Variants in ZNF234 observed in about 807,000 individuals in gnomAD.
ZNF234 encodes the protein zinc finger protein 234.
In ZNF234, 4 loss-of-function variants were observed where a neutral mutation model predicts 10.3. The observed-to-expected ratio is 0.39, with a 90% CI of 0.19 to 0.89. The LOEUF (loss-of-function observed/expected upper bound fraction) is 0.89, where lower values mean the gene tolerates loss of function less well. Ranked by LOEUF, ZNF234 falls within the 40% of genes least tolerant of loss-of-function variation. The probability of loss-of-function intolerance (pLI) is 0.38; values close to 1 mark genes in which losing one functional copy is unlikely to be tolerated. For missense variants in ZNF234, 711 were observed against 836.1 expected, an observed-to-expected ratio of 0.85 and a Z score of 1.85; for synonymous variants, 258 against 280.1, an observed-to-expected ratio of 0.92 and a Z score of 0.79.
chr19:44,158,890 G>A lies in ZNF234; in HGVS notation c.*771G>A, dbSNP rs1968975703. Reference sequence around the variant, plus strand: ...ACAACCTTAACATTGACTAGTGCTTGTAGGTGTGCTCAATACTTGTTTGTT... The same window carrying A: ...ACAACCTTAACATTGACTAGTGCTTATAGGTGTGCTCAATACTTGTTTGTT... On this transcript the variant is annotated 3_prime_UTR_variant, in exon 6 of 6. Transcript: ENST00000426739. 1 of 152,382 alleles carries A rather than the reference G, an allele frequency of 6.6e-6. No homozygotes were observed. The highest frequency in any genetic ancestry group is 6.5e-5 in the Admixed American group (1 of 15,284). The allele number at this position is 152,382 out of a possible 1,614,324, so 9.4% of individuals were successfully genotyped here.
chr19:44,153,600 A>G (rs924979371), intron 5 of ZNF234, among the ~76,000 whole-genome samples: 4 of 152,178 alleles, frequency 2.6e-5, no homozygotes, highest in Non-Finnish European at 4.4e-5. Context: ...TGAGAGCTTC[A>G]GAAGGAACCA....
At chr19:44,146,929 C>T (rs1265698390) in intron 3 of ZNF234, among the ~76,000 whole-genome samples, 5 of 151,060 alleles carry the variant, frequency 3.3e-5, no homozygotes, top group South Asian at 2.1e-4. Context: ...GATTCTTCTG[C>T]CTCAGCCTCC....
chr19:44,152,733 T>G (rs941206792), intron 5 of ZNF234, among the ~76,000 whole-genome samples: 21 of 152,216 alleles, frequency 1.4e-4, no homozygotes, highest in African/African-American at 4.3e-4. Flanking sequence ...TGTCAGATAG[T>G]AACTAGGTTG....
intron 5 of ZNF234, 44 bp from the exon 6 acceptor site, chr19:44,156,208 C>T: frequency 6.6e-7 from 1 of 1,512,894 alleles, no homozygotes; most frequent in Non-Finnish European, 8.8e-7. Context: ...ATCTTGAAAA[C>T]TTTTAACAGA....
chr19:44,156,275 G>T lies in ZNF234; in HGVS notation c.259G>T (p.Glu87Ter). 2 of 1,570,078 alleles carry T rather than the reference G, an allele frequency of 1.3e-6. No individual in the cohort carries two copies. The highest frequency in any genetic ancestry group is 2.5e-5 in the South Asian group (2 of 81,564). ...KSADKIQSEV[E>*]TVPEAGRHEE... Reference sequence around the variant, plus strand: ...AGCAGACAAGATCCAAAGTGAGGTGGAGACTGTTCCAGAAGCAGGACGACA... The same window carrying T: ...AGCAGACAAGATCCAAAGTGAGGTGTAGACTGTTCCAGAAGCAGGACGACA... The change falls in exon 6 of 6, where the codon GAG becomes TAG. Residue 87 changes from glutamate (E) to a stop codon, truncating the protein, a stop_gained. Transcript: ENST00000426739. LOFTEE classifies it low-confidence loss of function (END_TRUNC).
chr19:44,146,383 T>G (rs560874738), intron 3 of ZNF234, among the ~76,000 whole-genome samples: 108 of 152,284 alleles, frequency 7.1e-4, no homozygotes, highest in African/African-American at 2.4e-3. Flanking sequence ...TCTAGATCCC[T>G]GAGGAATCGC....
At position 44,158,352 on chromosome 19, in the gene ZNF234, GGTTCAA is replaced by G. The variant is rs1335671795; in HGVS notation, c.*236_*241del. 6 of 493,292 alleles carry G rather than the reference GGTTCAA, an allele frequency of 1.2e-5. No homozygotes were observed. The highest frequency in any genetic ancestry group is 2.2e-5 in the Non-Finnish European group (6 of 272,138). The allele number at this position is 493,292 out of a possible 1,614,324, so 30.6% of individuals were successfully genotyped here. A position where few individuals can be genotyped will look rare whatever the true frequency, so the allele number is the denominator to read the frequency against. The stretch of plus-strand genomic sequence containing the variant: ...AGCTCACTGTAACCTCCACTTCCCG[GGTTCAA>G]GTGATTCTCCTGCCTCAGTGGATTA... On this transcript the variant is annotated 3_prime_UTR_variant, in exon 6 of 6. Coordinates refer to ENST00000426739, the MANE Select transcript of ZNF234 (RefSeq NM_006630.3).
At chr19:44,153,562 T>G (rs2122137770) in intron 5 of ZNF234, among the ~76,000 whole-genome samples, 1 of 152,260 alleles carries the variant, frequency 6.6e-6, no homozygotes, top group East Asian at 1.9e-4. Flanking sequence ...TTTGAAAAAC[T>G]GTTGTGAAAG....
rs1045375246 is a variant in ZNF234, at chr19:44,156,987, G to A, written c.971G>A (p.Cys324Tyr). 7.4e-6 allele frequency: 12 copies of A among 1,614,000 alleles called. No individual in the cohort carries two copies. The highest frequency in any genetic ancestry group is 1.0e-5 in the Non-Finnish European group (12 of 1,179,932). Reference sequence around the variant, plus strand: ...TACAAATGTGAGGACTGTGGTAAGTGTTTCACTTGTAGCTCAAACCTTCGT... The same window carrying A: ...TACAAATGTGAGGACTGTGGTAAGTATTTCACTTGTAGCTCAAACCTTCGT... ...KPYKCEDCGK[C>Y]FTCSSNLRIH... Residue 324 changes from cysteine to tyrosine, a missense_variant, in exon 6 of 6, where the codon TGT becomes TAT. Coordinates refer to ENST00000426739, the MANE Select transcript of ZNF234 (RefSeq NM_006630.3).
rs948680743 is a variant in ZNF234, at chr19:44,159,109, A to T, written c.*990A>T. 1.3e-5 allele frequency: 2 copies of T among 152,162 alleles called. No individual in the cohort carries two copies. Among genetic ancestry groups the T allele is most frequent in the African/African-American group, 4.8e-5 (2 of 41,418 alleles). 9.4% of individuals were successfully genotyped at this position (152,162 alleles called of 1,614,324 possible). ...GTCCTCTCTGTAGTCTCTTCTCTCA[A>T]ATTTGGTTCTTATTGAGAGCCTGTC... is the stretch of plus-strand genomic sequence containing the variant. On this transcript the variant is annotated 3_prime_UTR_variant, in exon 6 of 6. Coordinates refer to ENST00000426739, the MANE Select transcript of ZNF234 (RefSeq NM_006630.3).
In ZNF234 at chr19:44,159,571, T is replaced by C. The variant is rs753183265; in HGVS notation, c.*1452T>C. The C allele has an allele frequency of 9.7e-5, 43 of 442,314 alleles. No individual in the cohort carries two copies. Among genetic ancestry groups the C allele is most frequent in the South Asian group, 6.7e-4 (42 of 62,688 alleles). The allele number at this position is 442,314 out of a possible 1,614,324, so 27.4% of individuals were successfully genotyped here. On this transcript the variant is annotated 3_prime_UTR_variant, in exon 6 of 6. Transcript: ENST00000426739. ...ACTGAATATCACACAATTGAGTTTT[T>C]AATCCATTAATGTTAAGGCAGGGGT...
In ZNF234 at chr19:44,158,072, AG is replaced by A. The variant is rs1968953199; in HGVS notation, c.2057del (p.Ser686IlefsTer17). 2 of 1,612,862 alleles carry A rather than the reference AG, an allele frequency of 1.2e-6. No individual in the cohort carries two copies. The highest frequency in any genetic ancestry group is 2.2e-5 in the South Asian group (2 of 90,900). ...TACATTTTATGAAAATGATGAGAAT[AG>A]TAAGAACATCAGAGAGTTGTCAGAG... ...AGTFYENDEN[S>X]KNIRELSEGG... On this transcript the variant is annotated frameshift_variant, in exon 6 of 6. Transcript: ENST00000426739. LOFTEE classifies it low-confidence loss of function (END_TRUNC).
Position 44,158,780 on chromosome 19 carries a change from A to G in ZNF234, c.*661A>G, listed in dbSNP as rs1013126772. 6.5e-6 allele frequency: 1 copy of G among 154,262 alleles called. No individual in the cohort carries two copies. Among genetic ancestry groups the G allele is most frequent in the Non-Finnish European group, 1.4e-5 (1 of 69,492 alleles). 9.6% of individuals were successfully genotyped at this position (154,262 alleles called of 1,614,324 possible). On this transcript the variant is annotated 3_prime_UTR_variant, in exon 6 of 6. Transcript: ENST00000426739. Reference sequence around the variant, plus strand: ...GAAAATGAGTTTGACCTGGGCTTTAAAAAAGTATACTGATGAAGGTGCCAG... The same window carrying G: ...GAAAATGAGTTTGACCTGGGCTTTAGAAAAGTATACTGATGAAGGTGCCAG...
chr19:44,154,159 TGAGGAACC>T (rs772908041), intron 5 of ZNF234, among the ~76,000 whole-genome samples: 34 of 152,182 alleles, frequency 2.2e-4, no homozygotes, highest in Non-Finnish European at 5.0e-4. Context: ...CCACAAGACG[TGAGGAACC>T]ATCCATCTCG....
chr19:44,157,981 G>C lies in ZNF234; in HGVS notation c.1965G>C (p.Glu655Asp), dbSNP rs1250528252. The C allele has an allele frequency of 5.0e-6, 8 of 1,613,838 alleles. No homozygotes were observed. The highest frequency in any genetic ancestry group is 4.0e-5 in the African/African-American group (3 of 74,908). The change falls in exon 6 of 6, where the codon GAG (glutamate) becomes GAC (aspartate). Residue 655 changes from glutamate (E) to aspartate (D), a missense_variant. Glu to Asp is a conservative substitution (Grantham distance 45). Coordinates refer to ENST00000426739, the MANE Select transcript of ZNF234 (RefSeq NM_006630.3). ...VHTGEKPYKC[E>D]ICGKRFSWRS... ...CTGGGGAAAAACCTTACAAATGTGA[G>C]ATATGTGGTAAGAGGTTCAGCTGGC...
intron 2 of ZNF234, among the ~76,000 whole-genome samples, chr19:44,144,091 A>G (rs1030919500): frequency 5.3e-5 from 8 of 152,178 alleles, no homozygotes; most frequent in South Asian, 2.1e-4. Context: ...TGCTGAGTGT[A>G]GTAATCATCA....
Position 44,144,556 on chromosome 19 carries a change from G to C in ZNF234, c.-76-1G>C. ...CATGTCTCTTTTTGTGTCTTCCATA[G>C]TGTTCCAGGCACGATTCTGCCTTCT... is the stretch of plus-strand genomic sequence containing the variant. On this transcript the variant is annotated splice_acceptor_variant, in intron 2 of 5. Transcript: ENST00000426739. LOFTEE classifies it low-confidence loss of function (5UTR_SPLICE). 1 of 1,355,320 alleles carries C rather than the reference G, an allele frequency of 7.4e-7. No homozygotes were observed. The highest frequency in any genetic ancestry group is 9.8e-7 in the Non-Finnish European group (1 of 1,015,736). The allele number at this position is 1,355,320 out of a possible 1,614,324, so 84.0% of individuals were successfully genotyped here. A position where few individuals can be genotyped will look rare whatever the true frequency, so the allele number is the denominator to read the frequency against.
At chr19:44,148,250 A>G (rs1301260379) in intron 3 of ZNF234, among the ~76,000 whole-genome samples, 4 of 152,220 alleles carry the variant, frequency 2.6e-5, no homozygotes, top group South Asian at 2.1e-4. Flanking sequence ...AGATCATGAC[A>G]CTAAATGCTG....
At chr19:44,144,235 C>T (rs941542035) in intron 2 of ZNF234, among the ~76,000 whole-genome samples, 3 of 152,198 alleles carry the variant, frequency 2.0e-5, no homozygotes, top group Admixed American at 2.0e-4. Context: ...CTGTTCTGAA[C>T]GTTTCATATA....
Sources: allele counts gnomAD v4.1 joint callset (sites outside exome capture counted in the v4.1 genomes callset), GRCh38; gene constraint gnomAD v4.1.1; transcripts MANE v1.5; gene names NCBI Gene and HGNC (gene_info 2026-07-23, HGNC 2026-07-21).